PTPRU: variants seen among roughly 807,000 people sequenced by gnomAD.
The protein encoded by PTPRU is receptor-type tyrosine-protein phosphatase U.
Under a neutral mutation model 166.3 loss-of-function variants are expected in PTPRU, and 69 were observed. The ratio of observed to expected loss-of-function variants is 0.41; its 90% CI spans 0.34 to 0.51. The LOEUF is 0.51. Ranked by LOEUF, PTPRU falls within the 20% of genes least tolerant of loss-of-function variation. The probability of loss-of-function intolerance (pLI) is 0.09; values close to 1 mark genes in which losing one functional copy is unlikely to be tolerated. For missense variants in PTPRU, 1,657 were observed against 2,013.7 expected, an observed-to-expected ratio of 0.82 and a Z score of 3.39; for synonymous variants, 793 against 814.0, an observed-to-expected ratio of 0.97 and a Z score of 0.44.
chr1:29,322,843 A>T (rs1688220072), intron 26 of PTPRU, among the ~76,000 whole-genome samples: 1 of 152,042 alleles, frequency 6.6e-6, no homozygotes, highest in African/African-American at 2.4e-5. Flanking sequence ...GTCCCTCCAC[A>T]GTCTGGAGTC....
chr1:29,241,911 A>G (rs969272747), intron 1 of PTPRU, among the ~76,000 whole-genome samples: 12 of 149,560 alleles, frequency 8.0e-5, no homozygotes, highest in Non-Finnish European at 1.6e-4. Context: ...TTTTTTATTC[A>G]GATGGAGTCT....
chr1:29,291,788 A>T lies in PTPRU; in HGVS notation c.2319-81A>T. 2 of 1,473,304 alleles carry T rather than the reference A, an allele frequency of 1.4e-6. No homozygotes were observed. The highest frequency in any genetic ancestry group is 1.9e-6 in the Non-Finnish European group (2 of 1,080,376). 91.3% of individuals were successfully genotyped at this position (1,473,304 alleles called of 1,614,324 possible). On this transcript the variant is annotated intron_variant, in intron 14 of 29. Transcript: ENST00000373779. The surrounding 1 kb of genome is among the most constrained non-coding windows in gnomAD (Gnocchi z 4.1). ...TGGCTCCTGGCCTTGAGGTCCCCTTACTCCAGGGCCTCCCCAGCCACCTCT... is the reference window on the plus strand; with the variant it reads ...TGGCTCCTGGCCTTGAGGTCCCCTTTCTCCAGGGCCTCCCCAGCCACCTCT...
In PTPRU at chr1:29,311,889, C is replaced by T; in HGVS notation, c.3072+130C>T. On this transcript the variant is annotated intron_variant, in intron 21 of 29. Coordinates refer to ENST00000373779, the MANE Select transcript of PTPRU (RefSeq NM_133178.4). The surrounding 1 kb of genome is among the most constrained non-coding windows in gnomAD (Gnocchi z 4.1). ...ACTGCCCATCCCAGCAAGGAAGCTACTTGGTCACTGTTGGCTGGGAGCACT... is the reference window on the plus strand; with the variant it reads ...ACTGCCCATCCCAGCAAGGAAGCTATTTGGTCACTGTTGGCTGGGAGCACT... The T allele has an allele frequency of 1.1e-6, 1 of 934,406 alleles. No individual in the cohort carries two copies. Among genetic ancestry groups the T allele is most frequent in the Non-Finnish European group, 1.6e-6 (1 of 606,836 alleles). 57.9% of individuals were successfully genotyped at this position (934,406 alleles called of 1,614,324 possible). A position where few individuals can be genotyped will look rare whatever the true frequency, so the allele number is the denominator to read the frequency against.
rs1319405195 is a variant in PTPRU at position 29,275,478 on chromosome 1, T to A, written c.1175T>A (p.Phe392Tyr). 33 of 1,614,138 alleles carry A rather than the reference T, an allele frequency of 2.0e-5. No homozygotes were observed. The highest frequency in any genetic ancestry group is 2.7e-5 in the Non-Finnish European group (32 of 1,179,978). The change falls in exon 8 of 30, where the codon TTT (phenylalanine) becomes TAT (tyrosine). Residue 392 changes from phenylalanine (F) to tyrosine (Y), a missense_variant. Phe to Tyr is a conservative substitution (Grantham distance 22). This residue lies in a region of PTPRU where 1,190 missense variants were observed against 1,477.4 expected (regional missense o/e 0.81). Coordinates refer to ENST00000373779, the MANE Select transcript of PTPRU (RefSeq NM_133178.4). ...ATGAGGGCCCCCAAAGGCCTGGCTT[T>A]TGCTGAGATCCAGGCCCGTCAGCTG... is the stretch of plus-strand genomic sequence containing the variant. The part of the protein sequence containing the change: ...EPMRAPKGLA[F>Y]AEIQARQLTL...
At chr1:29,292,378 T>C (rs1482340754) in intron 15 of PTPRU, among the ~76,000 whole-genome samples, 1 of 152,178 alleles carries the variant, frequency 6.6e-6, no homozygotes, top group African/African-American at 2.4e-5. Context: ...GAGACCGATA[T>C]AGAGTCAGAC....
rs1685562044 is a variant in PTPRU at position 29,271,688 on chromosome 1, AAC to A, written c.1145-3758_1145-3757del. On this transcript the variant is annotated intron_variant, in intron 7 of 29. Transcript: ENST00000373779. The surrounding 1 kb of genome is among the most constrained non-coding windows in gnomAD (Gnocchi z 4.4). Reference sequence around the variant, plus strand: ...CTCTGAACCTGTAGTCCTGCCTGGCAACAGTCATCTAGAGGTGAGCAGTAGCT... The same window carrying A: ...CTCTGAACCTGTAGTCCTGCCTGGCAAGTCATCTAGAGGTGAGCAGTAGCT... Among the ~76,000 whole-genome samples the A allele has an allele frequency of 6.6e-6, 1 of 152,244 alleles. No homozygotes were observed. Among genetic ancestry groups the A allele is most frequent in the East Asian group, 1.9e-4 (1 of 5,206 alleles).
chr1:29,308,270 C>G (rs532961745), intron 18 of PTPRU, among the ~76,000 whole-genome samples: 1 of 149,888 alleles, frequency 6.7e-6, no homozygotes, highest in Non-Finnish European at 1.5e-5. Flanking sequence ...CTGCCATGCC[C>G]GGCTAATTTT....
Position 29,279,660 on chromosome 1 carries a change from G to A in PTPRU, c.1765+3G>A. 1 of 1,610,242 alleles carries A rather than the reference G, an allele frequency of 6.2e-7. No individual in the cohort carries two copies. Among genetic ancestry groups the A allele is most frequent in the South Asian group, 1.1e-5 (1 of 91,076 alleles). On this transcript the variant is annotated splice_donor_region_variant and intron_variant, in intron 10 of 29. Coordinates refer to ENST00000373779, the MANE Select transcript of PTPRU (RefSeq NM_133178.4). This position sits in a 1 kb window ranked among gnomAD's most constrained non-coding sequence, Gnocchi z 5.2. ...TGAGATAACCACTAACATCTCTGGT[G>A]AGCCCCACCTGACCCGGCCCAGCCT...
At position 29,275,649 on chromosome 1, in the gene PTPRU, C is replaced by G; in HGVS notation, c.1346C>G (p.Thr449Ser). 2.5e-6 allele frequency: 4 copies of G among 1,614,138 alleles called. No homozygotes were observed. The highest frequency in any genetic ancestry group is 1.6e-4 in the Middle Eastern group (1 of 6,062). ...ACAGAGCAAGGTGTCAGCCGCTACACCATCAAGAACCTGCTGCCCTATCGG... is the reference window on the plus strand; with the variant it reads ...ACAGAGCAAGGTGTCAGCCGCTACAGCATCAAGAACCTGCTGCCCTATCGG... ...VKTEQGVSRY[T>S]IKNLLPYRNV... Residue 449 changes from threonine to serine, a missense_variant, in exon 8 of 30, where the codon ACC (threonine) becomes AGC (serine). By Grantham distance (58) the Thr-to-Ser change is moderately conservative (BLOSUM62 1). Coordinates refer to ENST00000373779, the MANE Select transcript of PTPRU (RefSeq NM_133178.4).
At chr1:29,313,083 T>C (rs547798935) in intron 22 of PTPRU, among the ~76,000 whole-genome samples, 1 of 152,332 alleles carries the variant, frequency 6.6e-6, no homozygotes, top group East Asian at 1.9e-4. Context: ...ACTTCACTTC[T>C]CTCCACCAAA....
chr1:29,297,693 C>T (rs573378549), intron 15 of PTPRU, among the ~76,000 whole-genome samples: 4 of 152,260 alleles, frequency 2.6e-5, no homozygotes, highest in East Asian at 3.9e-4. Flanking sequence ...GGTGTGGGCT[C>T]ATGCCTAACC....
rs1444144728 is a variant in PTPRU, at chr1:29,280,123, G to T, written c.1850G>T (p.Gly617Val). Residue 617 changes from glycine to valine, a missense_variant, in exon 11 of 30, where the codon GGC (glycine) becomes GTC (valine). Around this residue, in one of 3 missense-constraint regions of PTPRU, gnomAD observed 1,190 missense variants for 1,477.4 expected, o/e 0.81. Transcript: ENST00000373779. The surrounding 1 kb of genome is among the most constrained non-coding windows in gnomAD (Gnocchi z 4.2). ...ACCGTGCTGCTGAGGCCGGCACAGG[G>T]CCGCGGTGCGCCCATCAGGTGGGAA... ...TITVLLRPAQ[G>V]RGAPISVYQV... The T allele has an allele frequency of 6.2e-7, 1 of 1,612,604 alleles. No individual in the cohort carries two copies. Among genetic ancestry groups the T allele is most frequent in the Non-Finnish European group, 8.5e-7 (1 of 1,179,430 alleles).
At position 29,280,390 on chromosome 1, in the gene PTPRU, G is replaced by C. The variant is rs1192698409; in HGVS notation, c.1868+249G>C. ...ACCCTGGATAGGTCCAGCCTGGAGA[G>C]GGGACTGTCCAGGCCTGTCCAGGGG... On this transcript the variant is annotated intron_variant, in intron 11 of 29. Transcript: ENST00000373779. This position sits in a 1 kb window ranked among gnomAD's most constrained non-coding sequence, Gnocchi z 4.2. Among the ~76,000 whole-genome samples the C allele has an allele frequency of 6.6e-6, 1 of 152,222 alleles. No homozygotes were observed. The highest frequency in any genetic ancestry group is 1.5e-5 in the Non-Finnish European group (1 of 68,024).
chr1:29,270,400 G>A (rs538510511), intron 7 of PTPRU, among the ~76,000 whole-genome samples: 9 of 152,032 alleles, frequency 5.9e-5, no homozygotes, highest in Admixed American at 1.3e-4. Context: ...TCTACCTCCC[G>A]GGCTGAAGCT....
At chr1:29,270,717 C>T (rs1158626653) in intron 7 of PTPRU, among the ~76,000 whole-genome samples, 1 of 152,108 alleles carries the variant, frequency 6.6e-6, no homozygotes, top group African/African-American at 2.4e-5. Context: ...AATCCCAGAA[C>T]TTTGGGAGGC....
Position 29,260,217 on chromosome 1 carries a change from G to T in PTPRU, c.850+173G>T. 2.6e-6 allele frequency: 2 copies of T among 769,184 alleles called. No individual in the cohort carries two copies. Among genetic ancestry groups the T allele is most frequent in the Non-Finnish European group, 3.7e-6 (2 of 535,310 alleles). 47.6% of individuals were successfully genotyped at this position (769,184 alleles called of 1,614,324 possible). ...AATGGCAGTGGCCCAGCCGGGATGAGATCTGATCTAGGGGTCGGGGCTGGC... is the reference window on the plus strand; with the variant it reads ...AATGGCAGTGGCCCAGCCGGGATGATATCTGATCTAGGGGTCGGGGCTGGC... On this transcript the variant is annotated intron_variant, in intron 6 of 29. Coordinates refer to ENST00000373779, the MANE Select transcript of PTPRU (RefSeq NM_133178.4). The surrounding 1 kb of genome is among the most constrained non-coding windows in gnomAD (Gnocchi z 8.3).
chr1:29,315,979 C>T lies in PTPRU; in HGVS notation c.3364-23C>T. ...TCCAGCTTCTAGGCCCCTCCTCGGCCTCATTCTCATCTCCTGTTCCAGGAG... is the reference window on the plus strand; with the variant it reads ...TCCAGCTTCTAGGCCCCTCCTCGGCTTCATTCTCATCTCCTGTTCCAGGAG... On this transcript the variant is annotated intron_variant, in intron 23 of 29. Coordinates refer to ENST00000373779, the MANE Select transcript of PTPRU (RefSeq NM_133178.4). The surrounding 1 kb of genome is among the most constrained non-coding windows in gnomAD (Gnocchi z 4.5). 6.2e-7 allele frequency: 1 copy of T among 1,613,512 alleles called. No individual in the cohort carries two copies. The highest frequency in any genetic ancestry group is 8.5e-7 in the Non-Finnish European group (1 of 1,179,610).
In PTPRU at chr1:29,311,738, G is replaced by A; in HGVS notation, c.3051G>A (p.Val1017=). 1 of 1,614,150 alleles carries A rather than the reference G, an allele frequency of 6.2e-7. No homozygotes were observed. The highest frequency in any genetic ancestry group is 8.5e-7 in the Non-Finnish European group (1 of 1,179,998). Residue 1017 remains valine (V), a synonymous_variant, in exon 21 of 30, where the codon GTG becomes GTA. Transcript: ENST00000373779. This position sits in a 1 kb window ranked among gnomAD's most constrained non-coding sequence, Gnocchi z 4.1. ...VKTETLAEYV[V]RTFALERRGY... ...CAGAGACCCTGGCTGAGTATGTCGT[G>A]CGCACTTTTGCCCTGGAGCGGGTGA...
intron 26 of PTPRU, among the ~76,000 whole-genome samples, chr1:29,321,426 G>C (rs540804192): frequency 4.6e-5 from 7 of 152,120 alleles, no homozygotes; most frequent in Admixed American, 1.3e-4. Flanking sequence ...ACCTTGGAGG[G>C]AAGGCTTCAG....
Sources: gnomAD v4.1 joint callset for allele counts (sites outside exome capture counted in the v4.1 genomes callset) on GRCh38, gnomAD v4.1.1 for gene constraint, gnomAD v4.1.1 regional missense constraint, Gnocchi (gnomAD v3.1) non-coding constraint, MANE v1.5 for transcripts, NCBI Gene and HGNC (gene_info 2026-07-23, HGNC 2026-07-21) for gene names.